PEDS1: variants seen among roughly 807,000 people sequenced by gnomAD.
PEDS1 encodes the protein CarF homolog.
In PEDS1, 14 loss-of-function variants were observed where a neutral mutation model predicts 35.2. The observed-to-expected ratio is 0.40, with a 90% CI of 0.26 to 0.62. PEDS1 has a LOEUF of 0.62. PEDS1 is among the 20% of genes least tolerant of loss of function. PEDS1 has a pLI of 0.44. For synonymous variants in PEDS1, 152 were observed against 152.0 expected (o/e 1.00, Z 0.00); for missense variants, 260 against 367.8 (o/e 0.71, Z 2.40).
intron 2 of PEDS1, among the ~76,000 whole-genome samples, chr20:50,134,535 A>G (rs1056216819): frequency 3.9e-5 from 6 of 152,206 alleles, no homozygotes; most frequent in African/African-American, 1.4e-4. Flanking sequence ...CAACAAGAGC[A>G]AAACTCTGTC....
chr20:50,130,600 A>C (rs143101700), intron 3 of PEDS1, among the ~76,000 whole-genome samples: 341 of 152,360 alleles, frequency 2.2e-3, no homozygotes, highest in South Asian at 5.0e-3. Flanking sequence ...TGGAAAAGCA[A>C]GACACCCCCA....
Position 50,123,261 on chromosome 20 carries a change from G to A in PEDS1, c.*1797C>T, listed in dbSNP as rs2081066310. The A allele has an allele frequency of 6.6e-6, 1 of 150,866 alleles. No individual in the cohort carries two copies. Among genetic ancestry groups the A allele is most frequent in the South Asian group, 2.1e-4 (1 of 4,796 alleles). The allele number at this position is 150,866 out of a possible 1,614,324, so 9.3% of individuals were successfully genotyped here. On this transcript the variant is annotated 3_prime_UTR_variant, in exon 6 of 6. Transcript: ENST00000371652. ...GCCTCACCATCTCTTAAAATCCCAA[G>A]CTTGTTCTTTTTTTTTTTTTCTAAG...
At position 50,125,130 on chromosome 20, in the gene PEDS1, C is replaced by T. The variant is rs370517694; in HGVS notation, c.741G>A (p.Glu247=). 2.1e-5 allele frequency: 34 copies of T among 1,614,070 alleles called. No homozygotes were observed. In the African/African-American group the frequency reaches 3.7e-4, roughly 18 times the overall value. Residue 247 remains glutamate, a synonymous_variant, in exon 6 of 6, where the codon GAG becomes GAA. Coordinates refer to ENST00000371652, the MANE Select transcript of PEDS1 (RefSeq NM_199129.4). ...CGCCCGTCAGGCCCTGGATGAGGTC[C>T]TCCAGGCGTCGCCAGAAGCCTATCT... The part of the protein sequence containing the change: ...LEKIGFWRRL[E]DLIQGLTGEK...
chr20:50,140,314 C>T (rs963575387), intron 2 of PEDS1, among the ~76,000 whole-genome samples: 1 of 152,250 alleles, frequency 6.6e-6, no homozygotes, highest in African/African-American at 2.4e-5. Context: ...CTGGCTGTCC[C>T]CACCCCCAGC....
intron 2 of PEDS1, among the ~76,000 whole-genome samples, chr20:50,136,890 C>T (rs534668679): frequency 7.9e-5 from 12 of 151,928 alleles, no homozygotes; most frequent in African/African-American, 2.7e-4. Context: ...TAACAAAATT[C>T]GCCAGGTGTG....
In PEDS1 at chr20:50,147,139, GAC is replaced by G. The variant is rs368588679; in HGVS notation, c.122-3520_122-3519del. Among the ~76,000 whole-genome samples, 824 of 152,320 alleles carry G rather than the reference GAC, an allele frequency of 5.4e-3. 7 individuals carry two copies. The highest frequency in any genetic ancestry group is 0.019 in the African/African-American group (786 of 41,570). ...AATAACAGTTACCCTAACAATGGCT[GAC>G]ACACACTGAAGCCTGTCATGCGCTG... On this transcript the variant is annotated intron_variant, in intron 1 of 5. Transcript: ENST00000371652.
At chr20:50,131,809 G>A (rs752028953) in intron 2 of PEDS1, among the ~76,000 whole-genome samples, 13 of 152,120 alleles carry the variant, frequency 8.5e-5, no homozygotes, top group Admixed American at 3.3e-4. Flanking sequence ...ACTCACTTGA[G>A]GGTTCAGTAG....
chr20:50,130,080 G>A (rs147091323), intron 3 of PEDS1, among the ~76,000 whole-genome samples: 11 of 152,296 alleles, frequency 7.2e-5, no homozygotes, highest in Non-Finnish European at 1.3e-4. Context: ...CCCCTCCTTA[G>A]TCCAGGCTCT....
At chr20:50,125,293 G>C in intron 5 of PEDS1, 114 bp from the exon 6 acceptor site, 3 of 1,391,088 alleles carry the variant, frequency 2.2e-6, no homozygotes, top group South Asian at 2.7e-5. Flanking sequence ...AGTCAGTACA[G>C]GATAGGACAC....
intron 2 of PEDS1, among the ~76,000 whole-genome samples, chr20:50,136,805 G>A (rs1359318714): frequency 1.3e-5 from 2 of 151,262 alleles, no homozygotes; most frequent in Non-Finnish European, 2.9e-5. Flanking sequence ...GGGAGGCCAC[G>A]GTGGGAGGAT....
chr20:50,130,849 T>C lies in PEDS1; in HGVS notation c.333+7A>G, dbSNP rs768316930. ...TCTTGAGGACATGGTTAGGTCAACA[T>C]ACTCACCTTCCCCACAATGGGCAGC... On this transcript the variant is annotated splice_region_variant and intron_variant, in intron 3 of 5. Transcript: ENST00000371652. The C allele has an allele frequency of 5.0e-6, 8 of 1,613,878 alleles. No individual in the cohort carries two copies. Among genetic ancestry groups the C allele is most frequent in the East Asian group, 2.2e-5 (1 of 44,878 alleles).
intron 1 of PEDS1, among the ~76,000 whole-genome samples, chr20:50,150,794 C>T (rs2147310409): frequency 6.6e-6 from 1 of 152,142 alleles, no homozygotes; most frequent in East Asian, 1.9e-4. Flanking sequence ...CTCCTGGGTT[C>T]AAGAGATTAT....
In PEDS1 at chr20:50,124,931, A is replaced by G. The variant is rs2147265226; in HGVS notation, c.*127T>C. The G allele has an allele frequency of 7.7e-7, 1 of 1,294,216 alleles. No individual in the cohort carries two copies. The highest frequency in any genetic ancestry group is 2.4e-5 in the East Asian group (1 of 42,434). The allele number at this position is 1,294,216 out of a possible 1,614,324, so 80.2% of individuals were successfully genotyped here. On this transcript the variant is annotated 3_prime_UTR_variant, in exon 6 of 6. Transcript: ENST00000371652. ...TGTGTCATGAGGGGTGGGCTGGGGTACCTGGGCCCAGCCCAGGAGATGTCC... is the reference window on the plus strand; with the variant it reads ...TGTGTCATGAGGGGTGGGCTGGGGTGCCTGGGCCCAGCCCAGGAGATGTCC...
intron 1 of PEDS1, among the ~76,000 whole-genome samples, chr20:50,151,059 A>G (rs1234063017): frequency 6.6e-6 from 1 of 152,180 alleles, no homozygotes; most frequent in African/African-American, 2.4e-5. Flanking sequence ...GGACTAGAAC[A>G]TAGGTGTTCA....
intron 3 of PEDS1, 62 bp downstream of exon 3, chr20:50,130,794 C>T: frequency 1.3e-6 from 2 of 1,592,742 alleles, no homozygotes; most frequent in South Asian, 1.1e-5. Flanking sequence ...AGAAAGGGGA[C>T]TCACTCAAGG....
intron 1 of PEDS1, chr20:50,151,078 T>C: frequency 2.6e-6 from 1 of 391,920 alleles, no homozygotes; most frequent in Non-Finnish European, 4.8e-6. Flanking sequence ...CAATATGCAC[T>C]GAGCCTGGTC....
intron 5 of PEDS1, 114 bp from the exon 6 acceptor site, chr20:50,125,293 G>A (rs956413821): frequency 1.4e-6 from 2 of 1,391,088 alleles, no homozygotes; most frequent in Non-Finnish European, 9.7e-7. Flanking sequence ...AGTCAGTACA[G>A]GATAGGACAC....
Position 50,124,889 on chromosome 20 carries a change from C to G in PEDS1, c.*169G>C. ...AAAAAAAAAAAAAGAAATGAAAAAT[C>G]AGTGGCTCAAGTATTCTGTGTCATG... On this transcript the variant is annotated 3_prime_UTR_variant, in exon 6 of 6. Coordinates refer to ENST00000371652, the MANE Select transcript of PEDS1 (RefSeq NM_199129.4). The G allele has an allele frequency of 1.3e-6, 1 of 797,444 alleles. No homozygotes were observed. Among genetic ancestry groups the G allele is most frequent in the Non-Finnish European group, 1.9e-6 (1 of 520,578 alleles). 49.4% of individuals were successfully genotyped at this position (797,444 alleles called of 1,614,324 possible). A position where few individuals can be genotyped will look rare whatever the true frequency, so the allele number is the denominator to read the frequency against.
intron 1 of PEDS1, among the ~76,000 whole-genome samples, chr20:50,149,429 A>G (rs537058048): frequency 6.6e-6 from 1 of 152,008 alleles, no homozygotes; most frequent in East Asian, 1.9e-4. Flanking sequence ...TTCAGCTGGG[A>G]CCTCCTGGGA....
Sources: allele counts gnomAD v4.1 joint callset (sites outside exome capture counted in the v4.1 genomes callset), GRCh38; gene constraint gnomAD v4.1.1; transcripts MANE v1.5; gene names NCBI Gene and HGNC (gene_info 2026-07-23, HGNC 2026-07-21).